The following WWOX variants were observed in gnomAD, a reference collection of about 807,000 sequenced individuals.
The protein encoded by WWOX is WW domain containing oxidoreductase.
WWOX carries 69 observed loss-of-function variants against 46.2 expected under a neutral mutation model. The ratio of observed to expected loss-of-function variants is 1.49; its 90% confidence interval spans 1.23 to 1.82. WWOX has a LOEUF of 1.82. Ranked by LOEUF, WWOX falls within the 40% of genes most tolerant of loss-of-function variation. WWOX has a pLI of 0.00. For synonymous variants in WWOX, 359 were observed against 202.6 expected (o/e 1.77, Z -6.56); for missense variants, 919 against 542.6 (o/e 1.69, Z -6.89).
At chr16:79,086,318 AT>A (rs1258017120) in intron 8 of WWOX, among the ~76,000 whole-genome samples, 3 of 152,192 alleles carry the variant, frequency 2.0e-5, no homozygotes, top group Non-Finnish European at 4.4e-5. Context: ...TACTGTTATT[AT>A]TTTAATTTGA....
chr16:79,072,806 C>G (rs1158427530), intron 8 of WWOX, among the ~76,000 whole-genome samples: 1 of 152,066 alleles, frequency 6.6e-6, no homozygotes, highest in East Asian at 1.9e-4. Flanking sequence ...TTAGTAAATG[C>G]TTGGTCTTTG....
intron 8 of WWOX, among the ~76,000 whole-genome samples, chr16:78,927,410 T>C (rs543202415): frequency 1.1e-3 from 170 of 152,314 alleles, no homozygotes; most frequent in Non-Finnish European, 2.0e-3. Flanking sequence ...TTATGTCTGT[T>C]ATTACCATGT....
intron 8 of WWOX, among the ~76,000 whole-genome samples, chr16:79,182,114 G>A (rs1005754199): frequency 6.8e-6 from 1 of 146,564 alleles, no homozygotes; most frequent in Non-Finnish European, 1.5e-5. Flanking sequence ...CCAGCCAGCT[G>A]GAGACATTAG....
At chr16:78,879,203 G>C (rs1321746030) in intron 8 of WWOX, among the ~76,000 whole-genome samples, 2 of 152,156 alleles carry the variant, frequency 1.3e-5, no homozygotes, top group Non-Finnish European at 2.9e-5. Context: ...ATAGACCTCA[G>C]TTGCAACATC....
chr16:79,185,885 T>C (rs1043627774), intron 8 of WWOX, among the ~76,000 whole-genome samples: 6 of 152,082 alleles, frequency 3.9e-5, no homozygotes, highest in African/African-American at 1.2e-4. Context: ...TGCTCAGATA[T>C]CTGAGGCCTG....
chr16:78,780,690 C>CTA (rs2050303709), intron 8 of WWOX, among the ~76,000 whole-genome samples: 1 of 152,082 alleles, frequency 6.6e-6, no homozygotes, highest in South Asian at 2.1e-4. Flanking sequence ...GGAGAACAGT[C>CTA]TAGGCAAGGT....
At chr16:79,110,604 A>C (rs900566481) in intron 8 of WWOX, 4 of 152,210 alleles carry the variant, frequency 2.6e-5, no homozygotes, top group Non-Finnish European at 5.9e-5. Flanking sequence ...CACCTCCAAC[A>C]CACACTCCGT....
intron 8 of WWOX, among the ~76,000 whole-genome samples, chr16:78,591,331 A>C (rs1359471951): frequency 2.0e-5 from 3 of 152,218 alleles, no homozygotes. Flanking sequence ...AAATTTACAT[A>C]GCCTCAAATG....
At chr16:78,593,330 C>T (rs1351464648) in intron 8 of WWOX, among the ~76,000 whole-genome samples, 3 of 152,178 alleles carry the variant, frequency 2.0e-5, no homozygotes, top group East Asian at 1.9e-4. Context: ...CTTGAACCAC[C>T]ATCCCTGGCC....
At chr16:79,076,036 A>G (rs376603148) in intron 8 of WWOX, among the ~76,000 whole-genome samples, 3 of 152,196 alleles carry the variant, frequency 2.0e-5, no homozygotes, top group East Asian at 1.9e-4. Context: ...TATATGTAGA[A>G]CCATTTTCTT....
At chr16:78,337,248 CAG>C (rs1297887219) in intron 5 of WWOX, among the ~76,000 whole-genome samples, 3 of 152,224 alleles carry the variant, frequency 2.0e-5, no homozygotes, top group South Asian at 2.1e-4. Context: ...ATCCTGCAGA[CAG>C]AATCTTTTGA....
At chr16:78,510,297 C>G (rs986143481) in intron 8 of WWOX, among the ~76,000 whole-genome samples, 1 of 152,174 alleles carries the variant, frequency 6.6e-6, no homozygotes, top group African/African-American at 2.4e-5. Context: ...GCTCCGCCTC[C>G]TGAGTTCAAC....
At chr16:78,663,687 A>C (rs1191934184) in intron 8 of WWOX, among the ~76,000 whole-genome samples, 1 of 152,218 alleles carries the variant, frequency 6.6e-6, no homozygotes, top group African/African-American at 2.4e-5. Flanking sequence ...ACATCATTTA[A>C]ATAAAAATAA....
chr16:78,355,682 A>C (rs568573712), intron 5 of WWOX: 33 of 734,292 alleles, frequency 4.5e-5, no homozygotes, highest in South Asian at 4.4e-4. Context: ...TTTAAATATG[A>C]TCTTGGGAGA....
intron 5 of WWOX, among the ~76,000 whole-genome samples, chr16:78,206,434 G>C (rs1394108626): frequency 6.6e-6 from 1 of 152,056 alleles, no homozygotes; most frequent in Admixed American, 6.5e-5. Context: ...TCTAAGATTA[G>C]GAACTTTAAA....
At chr16:78,904,931 C>T (rs761909379) in intron 8 of WWOX, among the ~76,000 whole-genome samples, 2 of 152,114 alleles carry the variant, frequency 1.3e-5, no homozygotes, top group Non-Finnish European at 2.9e-5. Flanking sequence ...AGTTGGTGCC[C>T]CTGTTGGTTT....
chr16:78,657,764 G>A (rs2047114665), intron 8 of WWOX, among the ~76,000 whole-genome samples: 1 of 152,180 alleles, frequency 6.6e-6, no homozygotes, highest in African/African-American at 2.4e-5. Context: ...CTTGGGCCAA[G>A]CTTGACTCTG....
chr16:78,140,462 G>A (rs992180539), intron 4 of WWOX, among the ~76,000 whole-genome samples: 2 of 152,148 alleles, frequency 1.3e-5, no homozygotes, highest in African/African-American at 2.4e-5. Context: ...GAGGCTAGAA[G>A]TCTGAAATCA....
In WWOX at chr16:79,212,062, G is replaced by T; in HGVS notation, c.*266G>T. ...CCTGTTTGAAAGTAAAAACCTGCTTGGTGTGTAGGTTCCGTATCTCCCTGG... is the reference window on the plus strand; with the variant it reads ...CCTGTTTGAAAGTAAAAACCTGCTTTGTGTGTAGGTTCCGTATCTCCCTGG... On this transcript the variant is annotated 3_prime_UTR_variant, in exon 9 of 9. Coordinates refer to ENST00000566780, the MANE Select transcript of WWOX (RefSeq NM_016373.4). 6 of 1,536,418 alleles carry T rather than the reference G, an allele frequency of 3.9e-6. No individual in the cohort carries two copies. The highest frequency in any genetic ancestry group is 5.2e-6 in the Non-Finnish European group (6 of 1,146,938).
Sources: allele counts gnomAD v4.1 joint callset (sites outside exome capture counted in the v4.1 genomes callset), GRCh38; gene constraint gnomAD v4.1.1; transcripts MANE v1.5; gene names NCBI Gene and HGNC (gene_info 2026-07-23, HGNC 2026-07-21).